The following MIR2052HG variants were observed in gnomAD, a reference collection of about 807,000 sequenced individuals.
The protein encoded by MIR2052HG is MIR2052 host gene.
At chr8:74,615,652 G>A (rs1482606788) in intron 2 of MIR2052HG, among the ~76,000 whole-genome samples, 1 of 151,278 alleles carries the variant, frequency 6.6e-6, no homozygotes, top group Non-Finnish European at 1.5e-5. Context: ...GGGTACATGT[G>A]CACAACATGC....
intron 4 of MIR2052HG, among the ~76,000 whole-genome samples, chr8:74,742,648 G>A (rs1429270194): frequency 6.6e-6 from 1 of 152,076 alleles, no homozygotes; most frequent in Non-Finnish European, 1.5e-5. Context: ...GTTGTTCCAT[G>A]TCCTTTAATC....
chr8:74,665,833 G>C (rs1302992185), intron 2 of MIR2052HG, among the ~76,000 whole-genome samples: 2 of 152,112 alleles, frequency 1.3e-5, no homozygotes, highest in Non-Finnish European at 2.9e-5. Flanking sequence ...TTCCCTTGCT[G>C]TTCTTGTGAT....
chr8:74,666,840 C>T (rs546005540), intron 2 of MIR2052HG, among the ~76,000 whole-genome samples: 6 of 152,294 alleles, frequency 3.9e-5, no homozygotes, highest in South Asian at 2.1e-4. Context: ...CATGGTCCTG[C>T]GTGTCTGCTG....
At chr8:74,715,847 C>T (rs1313699981) in intron 4 of MIR2052HG, among the ~76,000 whole-genome samples, 1 of 152,162 alleles carries the variant, frequency 6.6e-6, no homozygotes, top group South Asian at 2.1e-4. Flanking sequence ...CTCTGGGCCT[C>T]ATCTGTGAAA....
At chr8:74,658,295 T>G (rs2128736730) in intron 2 of MIR2052HG, among the ~76,000 whole-genome samples, 1 of 152,284 alleles carries the variant, frequency 6.6e-6, no homozygotes, top group Non-Finnish European at 1.5e-5. Context: ...TTTTATTATG[T>G]TTATTGTCTG....
intron 1 of MIR2052HG, chr8:74,612,544 T>A (rs974203918): frequency 1.4e-5 from 3 of 218,658 alleles, no homozygotes; most frequent in African/African-American, 7.0e-5. Context: ...TGCTCGTTAC[T>A]AGGTAATTTA....
intron 2 of MIR2052HG, among the ~76,000 whole-genome samples, chr8:74,643,799 G>A (rs1049479429): frequency 6.6e-6 from 1 of 152,026 alleles, no homozygotes; most frequent in Non-Finnish European, 1.5e-5. Context: ...ATACAGTTGA[G>A]CAAACAGACA....
At chr8:74,622,339 C>T (rs2128732840) in intron 2 of MIR2052HG, among the ~76,000 whole-genome samples, 1 of 152,296 alleles carries the variant, frequency 6.6e-6, no homozygotes, top group East Asian at 1.9e-4. Flanking sequence ...TGTGGTGGCT[C>T]ATGCCTGTAA....
intron 4 of MIR2052HG, among the ~76,000 whole-genome samples, chr8:74,739,607 A>G (rs1212617836): frequency 6.6e-6 from 1 of 152,124 alleles, no homozygotes; most frequent in Non-Finnish European, 1.5e-5. Context: ...TAATGTCTTC[A>G]CTGATTGAAA....
intron 2 of MIR2052HG, among the ~76,000 whole-genome samples, chr8:74,631,757 G>C (rs1808514786): frequency 6.6e-6 from 1 of 152,126 alleles, no homozygotes; most frequent in Non-Finnish European, 1.5e-5. Flanking sequence ...CAAGGTCAAG[G>C]CACCAGCAGA....
At chr8:74,746,150 T>C (rs1349899087) in intron 4 of MIR2052HG, among the ~76,000 whole-genome samples, 1 of 152,180 alleles carries the variant, frequency 6.6e-6, no homozygotes, top group African/African-American at 2.4e-5. Flanking sequence ...TCTCAATCAC[T>C]CGCAATGTAT....
At chr8:74,633,996 A>C (rs1808551290) in intron 2 of MIR2052HG, among the ~76,000 whole-genome samples, 1 of 152,220 alleles carries the variant, frequency 6.6e-6, no homozygotes, top group South Asian at 2.1e-4. Flanking sequence ...TGAAAGTTAA[A>C]TTAATAGTTT....
intron 4 of MIR2052HG, among the ~76,000 whole-genome samples, chr8:74,713,431 A>G (rs2128741925): frequency 6.6e-6 from 1 of 152,216 alleles, no homozygotes; most frequent in African/African-American, 2.4e-5. Flanking sequence ...TTTATTCAAA[A>G]TCCGCACCTT....
chr8:74,699,568 C>A lies in MIR2052HG; in HGVS notation n.217-2811C>A, dbSNP rs1809337584. 2.6e-5 allele frequency among the ~76,000 whole-genome samples: 4 copies of A among 151,912 alleles called. No homozygotes were observed. The South Asian group carries it at 6.2e-4, about 24-fold the overall frequency. On this transcript the variant is annotated intron_variant and non_coding_transcript_variant, in intron 2 of 6. Coordinates refer to ENST00000523442, the Ensembl canonical transcript of MIR2052HG. ...AAACAACATCGTATGTCCTCACTCA[C>A]AAGTGGGAGCTAAGCTATGAGGATG...
At chr8:74,666,242 G>A (rs2128737523) in intron 2 of MIR2052HG, among the ~76,000 whole-genome samples, 1 of 151,982 alleles carries the variant, frequency 6.6e-6, no homozygotes, top group Non-Finnish European at 1.5e-5. Context: ...TCCCCACAAA[G>A]CGTCCAGAGA....
At chr8:74,684,818 G>A (rs1344443093) in intron 2 of MIR2052HG, among the ~76,000 whole-genome samples, 2 of 152,100 alleles carry the variant, frequency 1.3e-5, no homozygotes, top group African/African-American at 4.8e-5. Context: ...AATCTAGACA[G>A]TGACAAATAA....
At chr8:74,717,836 A>G (rs980202200) in intron 4 of MIR2052HG, among the ~76,000 whole-genome samples, 2 of 152,070 alleles carry the variant, frequency 1.3e-5, no homozygotes, top group Non-Finnish European at 2.9e-5. Flanking sequence ...AAGTAATGCT[A>G]AACTATTTTA....
At chr8:74,648,028 A>G (rs1157999192) in intron 2 of MIR2052HG, among the ~76,000 whole-genome samples, 1 of 152,198 alleles carries the variant, frequency 6.6e-6, no homozygotes, top group Non-Finnish European at 1.5e-5. Context: ...CTAAAAAAGA[A>G]CAGAATAACA....
intron 4 of MIR2052HG, among the ~76,000 whole-genome samples, chr8:74,749,412 C>A (rs913507288): frequency 1.7e-4 from 26 of 149,700 alleles, no homozygotes; most frequent in Admixed American, 4.0e-4. Flanking sequence ...AAAAAAAAAA[C>A]AAAACTTGTA....
Sources: allele counts gnomAD v4.1 joint callset (sites outside exome capture counted in the v4.1 genomes callset), GRCh38; gene constraint gnomAD v4.1.1; transcripts MANE v1.5; gene names NCBI Gene and HGNC (gene_info 2026-07-23, HGNC 2026-07-21).